ZNRF3: variants seen among roughly 807,000 people sequenced by gnomAD.
The protein encoded by ZNRF3 is E3 ubiquitin-protein ligase ZNRF3.
Under a neutral mutation model 72.5 loss-of-function variants are expected in ZNRF3, and 23 were observed. The ratio of observed to expected loss-of-function variants is 0.32; its 90% CI spans 0.23 to 0.45. The LOEUF is 0.45. Among genes scored for constraint, ZNRF3 ranks in the 20% least tolerant of loss-of-function variants. The pLI is 1.00. For synonymous variants in ZNRF3, 610 were observed against 545.3 expected (o/e 1.12, Z -1.65); for missense variants, 1,169 against 1,272.1 (o/e 0.92, Z 1.23).
At chr22:28,898,181 C>G (rs998490005) in intron 1 of ZNRF3, among the ~76,000 whole-genome samples, 1 of 152,048 alleles carries the variant, frequency 6.6e-6, no homozygotes, top group Non-Finnish European at 1.5e-5. Context: ...CTCCTAAGCT[C>G]GGGTGATCTA....
chr22:28,954,521 C>A (rs966971945), intron 1 of ZNRF3, among the ~76,000 whole-genome samples: 2 of 152,162 alleles, frequency 1.3e-5, no homozygotes, highest in Non-Finnish European at 2.9e-5. Flanking sequence ...CAATTCAGTC[C>A]ACAGCAGTCA....
At chr22:28,894,123 ATT>A (rs771660791) in intron 1 of ZNRF3, among the ~76,000 whole-genome samples, 5 of 142,300 alleles carry the variant, frequency 3.5e-5, no homozygotes, top group South Asian at 2.2e-4. Flanking sequence ...TGCCTGGCTA[ATT>A]TTTTTTTTTT....
chr22:28,990,958 T>C (rs1362135247), intron 2 of ZNRF3, among the ~76,000 whole-genome samples: 1 of 151,784 alleles, frequency 6.6e-6, no homozygotes. Flanking sequence ...CACCACCCCA[T>C]GTTAGAGAAG....
chr22:29,013,915 A>G (rs1233910915), intron 2 of ZNRF3, among the ~76,000 whole-genome samples: 2 of 152,242 alleles, frequency 1.3e-5, no homozygotes, highest in African/African-American at 4.8e-5. Context: ...GGCTGGGCGC[A>G]ATGCTCTAAC....
In ZNRF3 at chr22:29,049,673, G is replaced by T; in HGVS notation, c.1492G>T (p.Ala498Ser). Residue 498 changes from alanine (A) to serine (S), a missense_variant, in exon 8 of 9, where the codon GCC (alanine) becomes TCC (serine). By Grantham distance (99) the Ala-to-Ser change is moderately conservative (BLOSUM62 1). Transcript: ENST00000544604. This position sits in a 1 kb window ranked among gnomAD's most constrained non-coding sequence, Gnocchi z 5.2. ...CCTCGCACCCCGGGGCCCGGCCCGT[G>T]CCTTTCCTCCGAGCGGCAGTGGCAG... ...PSLAPRGPAR[A>S]FPPSGSGSLL... 1 of 1,608,818 alleles carries T rather than the reference G, an allele frequency of 6.2e-7. No homozygotes were observed.
chr22:29,002,421 C>T (rs1340268559), intron 2 of ZNRF3, among the ~76,000 whole-genome samples: 1 of 152,102 alleles, frequency 6.6e-6, no homozygotes. Flanking sequence ...AATAAAGGTA[C>T]AAGAGGTGCC....
chr22:29,035,911 T>C (rs1452848853), intron 2 of ZNRF3, among the ~76,000 whole-genome samples: 1 of 152,116 alleles, frequency 6.6e-6, no homozygotes, highest in South Asian at 2.1e-4. Context: ...GGGTCTATGT[T>C]GCCCAGGCTG....
chr22:29,020,953 C>G (rs555181935), intron 2 of ZNRF3, among the ~76,000 whole-genome samples: 1 of 152,134 alleles, frequency 6.6e-6, no homozygotes, highest in South Asian at 2.1e-4. Flanking sequence ...CCCACCACCA[C>G]GCCTGGCTGA....
chr22:28,991,279 CAAAAAAAAAAAAAAAAAAA>C (rs59317059), intron 2 of ZNRF3, among the ~76,000 whole-genome samples: 1 of 51,656 alleles, frequency 1.9e-5, no homozygotes. Context: ...GACCCTCTCT[CAAAAAAAAAAAAAAAAAAA>C]AAAAAAAAAA....
At chr22:28,907,567 T>C (rs1440432666) in intron 1 of ZNRF3, among the ~76,000 whole-genome samples, 1 of 152,210 alleles carries the variant, frequency 6.6e-6, no homozygotes, top group Non-Finnish European at 1.5e-5. Context: ...TGGGGATTTG[T>C]TGATAAGATT....
chr22:29,013,890 G>A (rs1023754557), intron 2 of ZNRF3, among the ~76,000 whole-genome samples: 5 of 152,318 alleles, frequency 3.3e-5, no homozygotes, highest in South Asian at 4.1e-4. Flanking sequence ...TGGGGCAGGC[G>A]TGGAGGCCTG....
intron 1 of ZNRF3, among the ~76,000 whole-genome samples, chr22:28,978,394 CGT>C (rs908340747): frequency 6.6e-6 from 1 of 152,114 alleles, no homozygotes; most frequent in African/African-American, 2.4e-5. Context: ...TTTCTCTTAC[CGT>C]GTGTCCCTGA....
At chr22:29,045,981 C>T (rs1444757907) in intron 5 of ZNRF3, among the ~76,000 whole-genome samples, 1 of 152,204 alleles carries the variant, frequency 6.6e-6, no homozygotes, top group Non-Finnish European at 1.5e-5. Flanking sequence ...GCAACGGCAG[C>T]ACCTGGAAGC....
chr22:28,920,574 A>G (rs2034495567), intron 1 of ZNRF3, among the ~76,000 whole-genome samples: 1 of 152,238 alleles, frequency 6.6e-6, no homozygotes. Context: ...CCTGGCCAGC[A>G]GACTCTTATT....
chr22:28,932,899 A>G (rs1369325488), intron 1 of ZNRF3, among the ~76,000 whole-genome samples: 1 of 152,200 alleles, frequency 6.6e-6, no homozygotes, highest in Non-Finnish European at 1.5e-5. Flanking sequence ...CTTCTCTAAG[A>G]GATACTGTCT....
At chr22:29,045,799 G>GTTAATAAGTATTATAAACACTC (rs2037058943) in intron 5 of ZNRF3, among the ~76,000 whole-genome samples, 1 of 152,220 alleles carries the variant, frequency 6.6e-6, no homozygotes, top group African/African-American at 2.4e-5. Flanking sequence ...TTAAGTCAAC[G>GTTAATAAGTATTATAAACACTC]TTAATAAGTA....
At chr22:28,899,086 A>G (rs1325038120) in intron 1 of ZNRF3, among the ~76,000 whole-genome samples, 1 of 152,236 alleles carries the variant, frequency 6.6e-6, no homozygotes, top group South Asian at 2.1e-4. Context: ...CACTCCAGAA[A>G]TGCTCTAATG....
intron 2 of ZNRF3, among the ~76,000 whole-genome samples, chr22:29,021,129 A>G (rs1601674775): frequency 6.6e-6 from 1 of 151,894 alleles, no homozygotes; most frequent in East Asian, 1.9e-4. Flanking sequence ...GGCTACTCAG[A>G]AGGCTGAGGG....
At chr22:28,916,966 C>G (rs940615686) in intron 1 of ZNRF3, among the ~76,000 whole-genome samples, 7 of 152,186 alleles carry the variant, frequency 4.6e-5, no homozygotes, top group African/African-American at 1.7e-4. Flanking sequence ...GAACCCTGGC[C>G]CCACACAGCT....
Sources: allele counts gnomAD v4.1 joint callset (sites outside exome capture counted in the v4.1 genomes callset), GRCh38; gene constraint gnomAD v4.1.1; non-coding constraint Gnocchi (gnomAD v3.1); transcripts MANE v1.5; gene names NCBI Gene and HGNC (gene_info 2026-07-23, HGNC 2026-07-21).